The following CADM2 variants were observed in gnomAD, a reference collection of about 807,000 sequenced individuals.
CADM2 encodes the protein cell adhesion molecule 2.
CADM2 carries 12 observed loss-of-function variants against 49.8 expected under a neutral mutation model. The ratio of observed to expected loss-of-function variants is 0.24; its 90% CI spans 0.15 to 0.39. The LOEUF (loss-of-function observed/expected upper bound fraction) is 0.39, where lower values mean the gene tolerates loss of function less well. Ranked by LOEUF, CADM2 falls within the 10% of genes least tolerant of loss-of-function variation. The pLI, the probability that CADM2 is intolerant of heterozygous loss-of-function variation, is 1.00. For synonymous variants in CADM2, 214 were observed against 175.4 expected, an observed-to-expected ratio of 1.22 and a Z score of -1.74; for missense variants, 378 against 492.3, an observed-to-expected ratio of 0.77 and a Z score of 2.20.
In CADM2 at chr3:85,942,317, A is replaced by G. The variant is rs1027517590; in HGVS notation, c.791+6460A>G. ...GTACCAGCCACTGCAAAACCATGCC[A>G]AATTGTTTTTTTTTGTTTGTTTGTT... On this transcript the variant is annotated intron_variant, in intron 7 of 9. Coordinates refer to ENST00000383699, the MANE Select transcript of CADM2 (RefSeq NM_001167675.2). Among the ~76,000 whole-genome samples the G allele has an allele frequency of 1.2e-4, 9 of 75,562 alleles. 1 individual carries two copies. The African/African-American group carries it at 1.2e-3, about 10-fold the overall frequency. 49.6% of individuals were successfully genotyped at this position (75,562 alleles called of 152,430 possible). A position where few individuals can be genotyped will look rare whatever the true frequency, so the allele number is the denominator to read the frequency against.
intron 1 of CADM2, among the ~76,000 whole-genome samples, chr3:85,489,802 T>TGAGA (rs1292438382): frequency 7.4e-6 from 1 of 136,024 alleles, no homozygotes. Flanking sequence ...TGTGTGTGTG[T>TGAGA]GTGTGAGAGA....
At chr3:85,344,599 T>C (rs2030378431) in intron 1 of CADM2, among the ~76,000 whole-genome samples, 1 of 151,660 alleles carries the variant, frequency 6.6e-6, no homozygotes, top group South Asian at 2.1e-4. Context: ...AAGTCACGTG[T>C]ATGAGAGTGA....
At chr3:85,495,322 T>A (rs2039842949) in intron 1 of CADM2, among the ~76,000 whole-genome samples, 1 of 152,156 alleles carries the variant, frequency 6.6e-6, no homozygotes, top group Non-Finnish European at 1.5e-5. Context: ...GGGCAGATGG[T>A]TTAAAATAAC....
chr3:85,804,210 C>A (rs1215433056), intron 3 of CADM2, among the ~76,000 whole-genome samples: 1 of 151,770 alleles, frequency 6.6e-6, no homozygotes, highest in Non-Finnish European at 1.5e-5. Flanking sequence ...AACTATGATG[C>A]AAAAGAAAAT....
intron 1 of CADM2, among the ~76,000 whole-genome samples, chr3:85,475,088 C>T (rs2038923479): frequency 6.6e-6 from 1 of 151,854 alleles, no homozygotes; most frequent in South Asian, 2.1e-4. Flanking sequence ...TGGTTAAATG[C>T]TTAGGACAAT....
At chr3:85,192,686 G>C (rs1040179857) in intron 1 of CADM2, among the ~76,000 whole-genome samples, 2 of 151,666 alleles carry the variant, frequency 1.3e-5, no homozygotes, top group Non-Finnish European at 2.9e-5. Flanking sequence ...GGAAAAATTG[G>C]AAAGATTTGT....
At chr3:85,344,807 A>G (rs993213153) in intron 1 of CADM2, among the ~76,000 whole-genome samples, 1 of 152,160 alleles carries the variant, frequency 6.6e-6, no homozygotes, top group Non-Finnish European at 1.5e-5. Context: ...TTATTGAACA[A>G]TGAATTGTTA....
At chr3:85,859,127 C>G (rs1024677117) in intron 3 of CADM2, among the ~76,000 whole-genome samples, 1 of 151,714 alleles carries the variant, frequency 6.6e-6, no homozygotes, top group Non-Finnish European at 1.5e-5. Context: ...CAACCCATTA[C>G]TCACACACTA....
chr3:85,990,178 A>G (rs1728614521), intron 8 of CADM2, among the ~76,000 whole-genome samples: 1 of 152,130 alleles, frequency 6.6e-6, no homozygotes, highest in Non-Finnish European at 1.5e-5. Flanking sequence ...ATGGCACAAA[A>G]GTGATACACG....
chr3:85,173,107 G>T (rs1406169875), intron 1 of CADM2, among the ~76,000 whole-genome samples: 1 of 149,800 alleles, frequency 6.7e-6, no homozygotes, highest in Admixed American at 6.7e-5. Context: ...CCATTCTCCT[G>T]CCTCAGCCTA....
chr3:85,357,314 T>G (rs1326668758), intron 1 of CADM2, among the ~76,000 whole-genome samples: 1 of 152,120 alleles, frequency 6.6e-6, no homozygotes, highest in Non-Finnish European at 1.5e-5. Context: ...AATATGTGTC[T>G]ATGACTAATT....
intron 1 of CADM2, among the ~76,000 whole-genome samples, chr3:85,099,558 C>T (rs2037933657): frequency 6.6e-6 from 1 of 151,270 alleles, no homozygotes; most frequent in East Asian, 2.0e-4. Flanking sequence ...CAACTTCCAT[C>T]TCTCGGGTTC....
intron 1 of CADM2, among the ~76,000 whole-genome samples, chr3:85,394,286 T>G (rs553638947): frequency 6.6e-6 from 1 of 152,306 alleles, no homozygotes; most frequent in East Asian, 1.9e-4. Context: ...ACATTAATAT[T>G]ATTACCATAA....
intron 1 of CADM2, among the ~76,000 whole-genome samples, chr3:85,706,633 C>CT (rs1229086404): frequency 6.6e-6 from 1 of 152,078 alleles, no homozygotes; most frequent in African/African-American, 2.4e-5. Context: ...ATGCATCTGC[C>CT]TCAGAACTGA....
At chr3:85,664,442 A>T (rs1234364413) in intron 1 of CADM2, among the ~76,000 whole-genome samples, 2 of 151,904 alleles carry the variant, frequency 1.3e-5, no homozygotes, top group African/African-American at 2.4e-5. Flanking sequence ...AGGACAAAAA[A>T]CTTGGAAGCA....
intron 1 of CADM2, among the ~76,000 whole-genome samples, chr3:85,036,010 A>T (rs191808069): frequency 6.6e-6 from 1 of 152,352 alleles, no homozygotes; most frequent in Admixed American, 6.5e-5. Flanking sequence ...ATTATCCATT[A>T]CATTAGCATT....
intron 8 of CADM2, among the ~76,000 whole-genome samples, chr3:86,018,237 AT>A (rs1482759319): frequency 1.5e-4 from 18 of 119,684 alleles, no homozygotes; most frequent in African/African-American, 5.5e-4. Flanking sequence ...ATAGTATTCC[AT>A]GGTGTATATG....
intron 1 of CADM2, among the ~76,000 whole-genome samples, chr3:85,269,336 T>C (rs1012934430): frequency 6.6e-6 from 1 of 151,498 alleles, no homozygotes; most frequent in African/African-American, 2.4e-5. Flanking sequence ...GAGAATTCGC[T>C]ATTTTTTTAC....
intron 1 of CADM2, among the ~76,000 whole-genome samples, chr3:85,584,070 A>G (rs1407817408): frequency 6.6e-6 from 1 of 152,064 alleles, no homozygotes. Context: ...TTATGCAAAA[A>G]TTTTATTTGT....
Sources: gnomAD v4.1 joint callset for allele counts (sites outside exome capture counted in the v4.1 genomes callset) on GRCh38, gnomAD v4.1.1 for gene constraint, MANE v1.5 for transcripts, NCBI Gene and HGNC (gene_info 2026-07-23, HGNC 2026-07-21) for gene names.